Variants in CHCHD2 observed in about 807,000 individuals in gnomAD.
The protein encoded by CHCHD2 is coiled-coil-helix-coiled-coil-helix domain containing 2, also known as coiled-coil-helix-coiled-coil-helix domain-containing protein 2.
In CHCHD2, 17 loss-of-function variants were observed where a neutral mutation model predicts 17.5. That is an observed-to-expected ratio of 0.97 (90% CI 0.67 to 1.46). CHCHD2 has a LOEUF of 1.46. Ranked by LOEUF, CHCHD2 falls within the 40% of genes most tolerant of loss-of-function variation. CHCHD2 has a pLI of 0.00. For missense variants in CHCHD2, 175 were observed against 199.9 expected, an observed-to-expected ratio of 0.88 and a Z score of 0.75; for synonymous variants, 63 against 74.3, an observed-to-expected ratio of 0.85 and a Z score of 0.78.
intron 3 of CHCHD2, 170 bp downstream of exon 3, chr7:56,102,697 A>G: frequency 1.5e-6 from 1 of 689,444 alleles, no homozygotes; most frequent in Non-Finnish European, 2.4e-6. Context: ...AAATTCAGAA[A>G]ATTACTCATA....
rs754480071 is a variant in CHCHD2 at position 56,104,351 on chromosome 7, T to C, written c.175A>G (p.Met59Val). The stretch of plus-strand genomic sequence containing the variant: ...GCCACGCCAGCTGCAGTGGTTGCCA[T>C]CTGGGCCATCAGACCTGGCTGCCGG... ...APRQPGLMAQ[M>V]ATTAAGVAVG... Residue 59 changes from methionine (M) to valine (V), a missense_variant, in exon 2 of 4, where the codon ATG (methionine) becomes GTG (valine). Transcript: ENST00000395422. 4 of 1,613,238 alleles carry C rather than the reference T, an allele frequency of 2.5e-6. No individual in the cohort carries two copies. The African/African-American group carries it at 4.0e-5, about 16-fold the overall frequency.
At position 56,103,081 on chromosome 7, in the gene CHCHD2, C is replaced by A. The variant is rs1433689433; in HGVS notation, c.301-70G>T. The A allele has an allele frequency of 4.6e-6, 7 of 1,530,982 alleles. No homozygotes were observed. The African/African-American group carries it at 9.5e-5, about 21-fold the overall frequency. The allele number at this position is 1,530,982 out of a possible 1,614,324, so 94.8% of individuals were successfully genotyped here. A position where few individuals can be genotyped will look rare whatever the true frequency, so the allele number is the denominator to read the frequency against. ...CTTATGCCTAGACAATGAAGAGTAT[C>A]CATCCTCTTTGAGGTTAATGGAAAA... On this transcript the variant is annotated intron_variant, in intron 2 of 3. Transcript: ENST00000395422.
At position 56,102,717 on chromosome 7, in the gene CHCHD2, A is replaced by G. The variant is rs1785309563; in HGVS notation, c.445+150T>C. On this transcript the variant is annotated intron_variant, in intron 3 of 3. Transcript: ENST00000395422. ...CAGAAAATTACTCATAAAAATGACT[A>G]GAAACCTCCGGCCCAGTTGTTAGGA... 26 of 791,068 alleles carry G rather than the reference A, an allele frequency of 3.3e-5. No homozygotes were observed. The South Asian group carries it at 4.5e-4, about 14-fold the overall frequency. 49.0% of individuals were successfully genotyped at this position (791,068 alleles called of 1,614,324 possible).
chr7:56,106,408 C>A lies in CHCHD2; in HGVS notation c.6G>T (p.Pro2=). 1.2e-6 allele frequency: 2 copies of A among 1,613,606 alleles called. No homozygotes were observed. The highest frequency in any genetic ancestry group is 1.7e-6 in the Non-Finnish European group (2 of 1,179,772). Residue 2 remains proline, a synonymous_variant, in exon 1 of 4, where the codon CCG becomes CCT. Transcript: ENST00000395422. M[P]RGSRSRTSRM... ...GGGAGGTGCGGCTTCGGCTTCCACG[C>A]GGCATCCTAGGTAAGCGACGGCTAG...
intron 3 of CHCHD2, 111 bp from the exon 4 acceptor site, chr7:56,101,972 T>C (rs753003110): frequency 2.8e-6 from 3 of 1,069,406 alleles, no homozygotes; most frequent in Non-Finnish European, 2.8e-6. Flanking sequence ...ATGGGTTTTT[T>C]GTTTTTTGTT....
In CHCHD2 at chr7:56,106,441, G is replaced by A. The variant is rs779510094; in HGVS notation, c.-28C>T. The stretch of plus-strand genomic sequence containing the variant: ...TAGGTAAGCGACGGCTAGGCCTCCG[G>A]ACGTGGGACAACCACCGAAGAGCTA... On this transcript the variant is annotated 5_prime_UTR_variant, in exon 1 of 4. Coordinates refer to ENST00000395422, the MANE Select transcript of CHCHD2 (RefSeq NM_016139.4). The A allele has an allele frequency of 1.7e-5, 27 of 1,611,918 alleles. No homozygotes were observed. The highest frequency in any genetic ancestry group is 2.3e-5 in the Non-Finnish European group (27 of 1,178,390).
At chr7:56,102,348 C>CTTTTTTTTTTTTTTTTTT (rs57427081) in intron 3 of CHCHD2, among the ~76,000 whole-genome samples, 1 of 145,068 alleles carries the variant, frequency 6.9e-6, no homozygotes, top group Non-Finnish European at 1.5e-5. Flanking sequence ...TTTATACCTT[C>CTTTTTTTTTTTTTTTTTT]TTTTTTTTTT....
At chr7:56,102,590 A>G in intron 3 of CHCHD2, 1 of 310,482 alleles carries the variant, frequency 3.2e-6, no homozygotes, top group East Asian at 6.8e-5. Context: ...CTGGCCTCAA[A>G]CTCCTGACAT....
At chr7:56,102,186 A>T (rs1785296955) in intron 3 of CHCHD2, among the ~76,000 whole-genome samples, 1 of 151,564 alleles carries the variant, frequency 6.6e-6, no homozygotes, top group Non-Finnish European at 1.5e-5. Context: ...AACTTAATTA[A>T]CTCCTTTCAC....
chr7:56,102,003 G>A (rs1785293782), intron 3 of CHCHD2, 142 bp from the exon 4 acceptor site: 1 of 788,224 alleles, frequency 1.3e-6, no homozygotes, highest in Non-Finnish European at 2.1e-6. Flanking sequence ...AAAAAATAGA[G>A]ATGAGGTCTT....
rs557143801 is a variant in CHCHD2 at position 56,106,434 on chromosome 7, G to C, written c.-21C>G. The C allele has an allele frequency of 2.1e-5, 34 of 1,612,890 alleles. No individual in the cohort carries two copies. The South Asian group carries it at 3.5e-4, about 17-fold the overall frequency. On this transcript the variant is annotated 5_prime_UTR_variant, in exon 1 of 4. Transcript: ENST00000395422. ...GGCATCCTAGGTAAGCGACGGCTAG[G>C]CCTCCGGACGTGGGACAACCACCGA...
Position 56,101,692 on chromosome 7 carries a change from C to G in CHCHD2, c.*159G>C, listed in dbSNP as rs11546420. ...CCCAGATTCTACAGAGTAGGGACAC[C>G]CCCACTTCCATTTCAATTCTGAAGC... On this transcript the variant is annotated 3_prime_UTR_variant, in exon 4 of 4. Coordinates refer to ENST00000395422, the MANE Select transcript of CHCHD2 (RefSeq NM_016139.4). 2.9e-4 allele frequency: 193 copies of G among 666,200 alleles called. No individual in the cohort carries two copies. The highest frequency in any genetic ancestry group is 3.3e-4 in the Non-Finnish European group (125 of 382,914). The allele number at this position is 666,200 out of a possible 1,614,324, so 41.3% of individuals were successfully genotyped here.
rs779582587 is a variant in CHCHD2, at chr7:56,103,014, G to C, written c.301-3C>G. 3 of 1,613,994 alleles carry C rather than the reference G, an allele frequency of 1.9e-6. No individual in the cohort carries two copies. The highest frequency in any genetic ancestry group is 2.5e-6 in the Non-Finnish European group (3 of 1,180,000). On this transcript the variant is annotated splice_region_variant and splice_polypyrimidine_tract_variant and intron_variant, in intron 2 of 3. Transcript: ENST00000395422. ...GCTGGCTGGGTTCCCTGAGGCTCCT[G>C]CAAAGGCAAAACATTCAACATTGCT...
intron 1 of CHCHD2, among the ~76,000 whole-genome samples, chr7:56,104,912 ATTT>A (rs752149986): frequency 1.7e-5 from 2 of 115,938 alleles, no homozygotes; most frequent in Admixed American, 9.2e-5. Context: ...GCACGGCCTA[ATTT>A]TTTTTTTTTT....
chr7:56,102,842 G>T (rs1398855081), intron 3 of CHCHD2, 25 bp downstream of exon 3: 2 of 1,612,350 alleles, frequency 1.2e-6, no homozygotes, highest in African/African-American at 2.7e-5. Context: ...GAATTAAGCA[G>T]ATGTAAATTG....
At chr7:56,102,740 G>C in intron 3 of CHCHD2, 127 bp downstream of exon 3, 1 of 972,056 alleles carries the variant, frequency 1.0e-6, no homozygotes, top group Non-Finnish European at 1.5e-6. Flanking sequence ...CCAGTTGTTA[G>C]GAGTTAATTC....
chr7:56,104,496 AC>A, intron 1 of CHCHD2, 21 bp from the exon 2 acceptor site: 1 of 1,530,830 alleles, frequency 6.5e-7, no homozygotes, highest in Non-Finnish European at 8.8e-7. Flanking sequence ...AAAGAAAAAA[AC>A]ATCAAGTTCC....
chr7:56,103,201 C>T (rs1033749079), intron 2 of CHCHD2, among the ~76,000 whole-genome samples, 190 bp from the exon 3 acceptor site: 6 of 152,142 alleles, frequency 3.9e-5, no homozygotes, highest in African/African-American at 1.4e-4. Flanking sequence ...TATTTTAGGC[C>T]AAACATGGTG....
chr7:56,103,021 C>T lies in CHCHD2; in HGVS notation c.301-10G>A. Reference sequence around the variant, plus strand: ...GGGTTCCCTGAGGCTCCTGCAAAGGCAAAACATTCAACATTGCTGAGAAAG... The same window carrying T: ...GGGTTCCCTGAGGCTCCTGCAAAGGTAAAACATTCAACATTGCTGAGAAAG... On this transcript the variant is annotated splice_polypyrimidine_tract_variant and intron_variant, in intron 2 of 3. Transcript: ENST00000395422. 1.2e-6 allele frequency: 2 copies of T among 1,614,094 alleles called. No individual in the cohort carries two copies. Among genetic ancestry groups the T allele is most frequent in the Non-Finnish European group, 1.7e-6 (2 of 1,179,984 alleles).
Sources: allele counts gnomAD v4.1 joint callset (sites outside exome capture counted in the v4.1 genomes callset), GRCh38; gene constraint gnomAD v4.1.1; transcripts MANE v1.5; gene names NCBI Gene and HGNC (gene_info 2026-07-23, HGNC 2026-07-21).